SNX6: variants seen among roughly 807,000 people sequenced by gnomAD.
SNX6 encodes sorting nexin-6.
A neutral mutation model predicts 63.0 loss-of-function variants in SNX6; 34 were observed. That is an observed-to-expected ratio of 0.54 (90% CI 0.41 to 0.72). The LOEUF is 0.72. Among genes scored for constraint, SNX6 ranks in the 30% least tolerant of loss-of-function variants. The pLI, the probability that SNX6 is intolerant of heterozygous loss-of-function variation, is 0.00. For missense variants in SNX6, 398 were observed against 471.4 expected (o/e 0.84, Z 1.44); for synonymous variants, 170 against 164.2 (o/e 1.04, Z -0.27).
At chr14:34,629,241 G>A (rs1198794239) in intron 2 of SNX6, among the ~76,000 whole-genome samples, 1 of 151,886 alleles carries the variant, frequency 6.6e-6, no homozygotes, top group Non-Finnish European at 1.5e-5. Flanking sequence ...TATACCTTAA[G>A]TATATACAAT....
intron 8 of SNX6, among the ~76,000 whole-genome samples, chr14:34,592,217 C>T (rs1882421672): frequency 6.6e-6 from 1 of 151,954 alleles, no homozygotes; most frequent in South Asian, 2.1e-4. Flanking sequence ...GAAACCCCAT[C>T]TCTACTAAAA....
At chr14:34,614,795 G>C (rs1433947132) in intron 2 of SNX6, among the ~76,000 whole-genome samples, 1 of 152,122 alleles carries the variant, frequency 6.6e-6, no homozygotes, top group African/African-American at 2.4e-5. Context: ...CACATTTGTA[G>C]TCTCTGCTAC....
rs1234347735 is a variant in SNX6, at chr14:34,603,358, T to C, written c.506A>G (p.Tyr169Cys). ...RDLNFHVFLEYNQDLSVRGKN... is the reference protein window; with the variant it reads ...RDLNFHVFLECNQDLSVRGKN... ...CAATGTGATACTCACATCTTGATTA[T>C]ATTCCAAGAAGACATGGAAATTTAA... is the stretch of plus-strand genomic sequence containing the variant. Residue 169 changes from tyrosine to cysteine, a missense_variant, in exon 6 of 14, where the codon TAT (tyrosine) becomes TGT (cysteine). Coordinates refer to ENST00000362031, the MANE Select transcript of SNX6 (RefSeq NM_152233.4). 1 of 1,607,606 alleles carries C rather than the reference T, an allele frequency of 6.2e-7. No homozygotes were observed. The highest frequency in any genetic ancestry group is 8.5e-7 in the Non-Finnish European group (1 of 1,177,868).
chr14:34,569,611 G>A (rs1424552747), intron 11 of SNX6, among the ~76,000 whole-genome samples: 1 of 152,054 alleles, frequency 6.6e-6, no homozygotes, highest in South Asian at 2.1e-4. Context: ...ACTTTTAGTA[G>A]AGATGGGGAT....
chr14:34,564,689 G>A (rs1361916511), intron 13 of SNX6, among the ~76,000 whole-genome samples: 4 of 151,944 alleles, frequency 2.6e-5, no homozygotes, highest in African/African-American at 7.3e-5. Flanking sequence ...TTAGCTGGGC[G>A]TGGTGGTGTG....
At chr14:34,602,243 T>G (rs948580301) in intron 6 of SNX6, among the ~76,000 whole-genome samples, 1 of 151,522 alleles carries the variant, frequency 6.6e-6, no homozygotes, top group Non-Finnish European at 1.5e-5. Context: ...CTGACCAACA[T>G]GGAGAAACCC....
chr14:34,566,770 C>T lies in SNX6; in HGVS notation c.1167+916G>A, dbSNP rs148064724. ...GGCTTAATTCAAAGTAAACAACTAACGTGAAAAAAGACCAGAGGGCCAGGC... is the reference window on the plus strand; with the variant it reads ...GGCTTAATTCAAAGTAAACAACTAATGTGAAAAAAGACCAGAGGGCCAGGC... On this transcript the variant is annotated intron_variant, in intron 13 of 13. Coordinates refer to ENST00000362031, the MANE Select transcript of SNX6 (RefSeq NM_152233.4). Among the ~76,000 whole-genome samples the T allele has an allele frequency of 2.6e-4, 39 of 152,196 alleles. No individual in the cohort carries two copies. In the South Asian group the frequency reaches 4.8e-3, roughly 19 times the overall value.
intron 8 of SNX6, among the ~76,000 whole-genome samples, chr14:34,591,836 A>G (rs1231527468): frequency 2.6e-5 from 1 of 38,868 alleles, no homozygotes; most frequent in Non-Finnish European, 6.7e-5. Flanking sequence ...CATTTGCCAA[A>G]TATTCATAAA....
intron 2 of SNX6, among the ~76,000 whole-genome samples, chr14:34,614,765 A>T (rs540054860): frequency 6.6e-6 from 1 of 152,206 alleles, no homozygotes; most frequent in African/African-American, 2.4e-5. Context: ...AAATAAAAAA[A>T]TTAGCTGGGC....
intron 11 of SNX6, chr14:34,568,971 C>A: frequency 7.0e-7 from 1 of 1,419,720 alleles, no homozygotes; most frequent in Non-Finnish European, 9.9e-7. Flanking sequence ...GCGTGTACAA[C>A]CAGTTCTCAT....
chr14:34,624,864 T>C (rs1180054750), intron 2 of SNX6, among the ~76,000 whole-genome samples: 2 of 152,194 alleles, frequency 1.3e-5, no homozygotes, highest in Non-Finnish European at 2.9e-5. Flanking sequence ...TTTTTGAATG[T>C]GCTGTCCCCT....
At chr14:34,581,671 G>GGTTTGGGAGCATATT in intron 9 of SNX6, 71 bp from the exon 10 acceptor site, 3 of 927,350 alleles carry the variant, frequency 3.2e-6, no homozygotes, top group Non-Finnish European at 5.2e-6. Context: ...ATGAGAATAT[G>GGTTTGGGAGCATATT]CTCCCAAACC....
At chr14:34,601,588 T>C (rs1352844169) in intron 6 of SNX6, among the ~76,000 whole-genome samples, 1 of 151,514 alleles carries the variant, frequency 6.6e-6, no homozygotes, top group Non-Finnish European at 1.5e-5. Flanking sequence ...AGTAACATGA[T>C]TTATTTTTTA....
intron 10 of SNX6, 77 bp from the exon 11 acceptor site, chr14:34,575,919 GTTGT>G (rs1881677341): frequency 2.3e-6 from 2 of 862,728 alleles, no homozygotes; most frequent in Admixed American, 5.7e-5. Flanking sequence ...TTTTGTTGTT[GTTGT>G]TTTTTTGTTT....
intron 7 of SNX6, among the ~76,000 whole-genome samples, chr14:34,595,675 G>A (rs1039110882): frequency 2.6e-5 from 4 of 152,184 alleles, no homozygotes; most frequent in African/African-American, 7.2e-5. Flanking sequence ...TTCTTGGAAA[G>A]CAGCCACAGC....
At chr14:34,629,671 C>A in intron 2 of SNX6, 2 of 725,628 alleles carry the variant, frequency 2.8e-6, no homozygotes, top group Non-Finnish European at 4.8e-6. Flanking sequence ...ACCAGAAGGC[C>A]CGAACAGCGG....
chr14:34,571,381 C>T (rs974380594), intron 11 of SNX6, among the ~76,000 whole-genome samples: 1 of 151,712 alleles, frequency 6.6e-6, no homozygotes, highest in African/African-American at 2.4e-5. Context: ...TACAGTGAGC[C>T]GAGATCATGC....
At chr14:34,623,970 T>C (rs1463100819) in intron 2 of SNX6, among the ~76,000 whole-genome samples, 3 of 152,224 alleles carry the variant, frequency 2.0e-5, no homozygotes, top group African/African-American at 7.2e-5. Flanking sequence ...TACTAAATAA[T>C]ATGTTACTGT....
chr14:34,614,503 C>CAGGCAA lies in SNX6; in HGVS notation c.55-4767_55-4762dup, dbSNP rs1175743689. ...CCCAGGCCTATCAAAACAGGAACGT[C>CAGGCAA]AGGCAAAGGCCCTTAAAATCTGTAA... On this transcript the variant is annotated intron_variant, in intron 2 of 13. Coordinates refer to ENST00000362031, the MANE Select transcript of SNX6 (RefSeq NM_152233.4). Among the ~76,000 whole-genome samples the CAGGCAA allele has an allele frequency of 4.6e-5, 7 of 152,136 alleles. No homozygotes were observed. The South Asian group carries it at 1.2e-3, about 27-fold the overall frequency.
Sources: gnomAD v4.1 joint callset for allele counts (sites outside exome capture counted in the v4.1 genomes callset) on GRCh38, gnomAD v4.1.1 for gene constraint, MANE v1.5 for transcripts, NCBI Gene and HGNC (gene_info 2026-07-23, HGNC 2026-07-21) for gene names.